Variants in RIMBP2 observed in about 807,000 individuals in gnomAD.
The protein encoded by RIMBP2 is RIMS binding protein 2.
In RIMBP2, 48 loss-of-function variants were observed where a neutral mutation model predicts 118.6. The ratio of observed to expected loss-of-function variants is 0.40; its 90% CI spans 0.32 to 0.51. The LOEUF is 0.51. Among genes scored for constraint, RIMBP2 ranks in the 20% least tolerant of loss-of-function variants. RIMBP2 has a pLI of 0.41. For synonymous variants in RIMBP2, 762 were observed against 742.9 expected (o/e 1.03, Z -0.42); for missense variants, 1,551 against 1,768.3 (o/e 0.88, Z 2.20).
intron 4 of RIMBP2, among the ~76,000 whole-genome samples, chr12:130,489,374 C>T (rs1273975158): frequency 6.6e-6 from 1 of 151,988 alleles, no homozygotes; most frequent in Non-Finnish European, 1.5e-5. Flanking sequence ...CAATCAACTG[C>T]CTCAGGTCTC....
At chr12:130,563,830 AG>A (rs1348080657) in intron 2 of RIMBP2, among the ~76,000 whole-genome samples, 2 of 152,192 alleles carry the variant, frequency 1.3e-5, no homozygotes, top group African/African-American at 4.8e-5. Context: ...TTGAAATGTA[AG>A]TCAGCTTGCA....
chr12:130,686,431 G>T (rs1204615833), intron 1 of RIMBP2, among the ~76,000 whole-genome samples: 1 of 152,216 alleles, frequency 6.6e-6, no homozygotes, highest in Admixed American at 6.5e-5. Context: ...ACAGAAACCC[G>T]GGCACCTCGT....
intron 2 of RIMBP2, among the ~76,000 whole-genome samples, chr12:130,541,591 G>T (rs1215815908): frequency 1.3e-5 from 2 of 152,176 alleles, no homozygotes; most frequent in Non-Finnish European, 2.9e-5. Context: ...ATTTTAAAAT[G>T]TGATCTCAAT....
chr12:130,635,045 G>T (rs1425646418), intron 1 of RIMBP2, among the ~76,000 whole-genome samples: 1 of 152,186 alleles, frequency 6.6e-6, no homozygotes, highest in East Asian at 1.9e-4. Context: ...ACACAGCCCA[G>T]CTCCCCCTGC....
intron 2 of RIMBP2, among the ~76,000 whole-genome samples, chr12:130,626,807 G>A (rs908151316): frequency 6.9e-5 from 10 of 145,688 alleles, no homozygotes; most frequent in South Asian, 2.2e-4. Flanking sequence ...CCATCAACAC[G>A]ACTACCACCA....
chr12:130,686,728 C>T (rs918617549), intron 1 of RIMBP2, among the ~76,000 whole-genome samples: 3 of 152,212 alleles, frequency 2.0e-5, no homozygotes, highest in Non-Finnish European at 4.4e-5. Context: ...CCAACTCCCT[C>T]GACAGGCGTG....
chr12:130,438,637 G>T, intron 11 of RIMBP2, 121 bp from the exon 12 acceptor site: 1 of 608,680 alleles, frequency 1.6e-6, no homozygotes. Flanking sequence ...CAGGGAAAAA[G>T]AGAAGACAGT....
intron 2 of RIMBP2, among the ~76,000 whole-genome samples, chr12:130,597,689 C>T (rs562966897): frequency 4.6e-5 from 7 of 152,312 alleles, no homozygotes; most frequent in East Asian, 3.9e-4. Flanking sequence ...GAAATGACAA[C>T]GTCTATAACT....
At chr12:130,516,598 G>A (rs145791991) in intron 3 of RIMBP2, among the ~76,000 whole-genome samples, 157 of 152,340 alleles carry the variant, frequency 1.0e-3, no homozygotes, top group African/African-American at 3.7e-3. Context: ...CAGGAGGGAC[G>A]CGTAACCTGA....
chr12:130,513,781 CTTTGCATTCATAA>C (rs1454938073), intron 3 of RIMBP2, among the ~76,000 whole-genome samples: 1 of 152,194 alleles, frequency 6.6e-6, no homozygotes, highest in Non-Finnish European at 1.5e-5. Flanking sequence ...ACTGCAGTCT[CTTTGCATTCATAA>C]TTAAGAGCTC....
chr12:130,598,309 T>G (rs1250106652), intron 2 of RIMBP2, among the ~76,000 whole-genome samples: 1 of 152,220 alleles, frequency 6.6e-6, no homozygotes, highest in Non-Finnish European at 1.5e-5. Context: ...CATTTTTTAA[T>G]GAATTGATCT....
chr12:130,614,081 G>A (rs2060746278), intron 2 of RIMBP2, among the ~76,000 whole-genome samples: 1 of 152,206 alleles, frequency 6.6e-6, no homozygotes, highest in South Asian at 2.1e-4. Context: ...GCTGAACGCT[G>A]TCTCACCTGA....
Position 130,437,157 on chromosome 12 carries a change from G to A in RIMBP2, c.1791C>T (p.Ala597=), listed in dbSNP as rs778450001. ...QGESVDSAVA[A]VPPELLVPPT... ...GAGGCACCAGGAGCTCGGGGGGAAC[G>A]GCAGCAACTGCAGAGTCCACGGACT... Residue 597 remains alanine (A), a synonymous_variant, in exon 13 of 23, where the codon GCC becomes GCT. Coordinates refer to ENST00000690449, the MANE Select transcript of RIMBP2 (RefSeq NM_001393629.1). The A allele has an allele frequency of 1.8e-5, 29 of 1,587,212 alleles. No homozygotes were observed. Among genetic ancestry groups the A allele is most frequent in the South Asian group, 6.8e-5 (6 of 87,682 alleles).
rs1042149896 is a variant in RIMBP2, at chr12:130,406,174, A to G, written c.3763T>C (p.Tyr1255His). 1.3e-6 allele frequency: 2 copies of G among 1,535,120 alleles called. No individual in the cohort carries two copies. Among genetic ancestry groups the G allele is most frequent in the African/African-American group, 2.7e-5 (2 of 73,230 alleles). ...FGEIDEDGFY[Y>H]GELNGQKGLV... ...TTCTTGATATTTCAAAAACTTACAT[A>G]ATAAAATCCATCTTCATCAATTTCA... Residue 1255 changes from tyrosine (Y) to histidine (H), a missense_variant and splice_region_variant, in exon 21 of 23, where the codon TAT (tyrosine) becomes CAT (histidine). This residue lies in a region of RIMBP2 where 1,038 missense variants were observed against 1,125.1 expected (regional missense o/e 0.92). Transcript: ENST00000690449.
chr12:130,445,131 G>A (rs777129219), intron 10 of RIMBP2, 29 bp downstream of exon 10: 37 of 1,485,324 alleles, frequency 2.5e-5, no homozygotes, highest in African/African-American at 9.8e-5. Context: ...CCCAGCCTAC[G>A]TCCGCCACAG....
intron 10 of RIMBP2, among the ~76,000 whole-genome samples, chr12:130,444,947 T>G (rs1231909667): frequency 6.6e-6 from 1 of 152,216 alleles, no homozygotes; most frequent in East Asian, 1.9e-4. Context: ...GAGGTCAGCT[T>G]AGAGCTGAAT....
Position 130,439,778 on chromosome 12 carries a change from GGTATGT to G in RIMBP2, c.1505-1268_1505-1263del, listed in dbSNP as rs747250528. 2.2e-3 allele frequency among the ~76,000 whole-genome samples: 297 copies of G among 137,652 alleles called. 2 individuals are homozygous for G. The highest frequency in any genetic ancestry group is 3.1e-3 in the Non-Finnish European group (198 of 63,886). 90.3% of individuals were successfully genotyped at this position (137,652 alleles called of 152,430 possible). A position where few individuals can be genotyped will look rare whatever the true frequency, so the allele number is the denominator to read the frequency against. ...GGGTGTCTGTGTGTGTGTGTATGTG[GGTATGT>G]GTATGTGTATCTGTCTATGTGAGTC... On this transcript the variant is annotated intron_variant, in intron 11 of 22. Transcript: ENST00000690449.
In RIMBP2 at chr12:130,437,122, T is replaced by C. The variant is rs2077578705; in HGVS notation, c.1826A>G (p.His609Arg). The C allele has an allele frequency of 6.5e-7, 1 of 1,543,540 alleles. No homozygotes were observed. Among genetic ancestry groups the C allele is most frequent in the African/African-American group, 1.5e-5 (1 of 68,416 alleles). ...CTTTGATTGGGGTGCAGGTCTCGGG[T>C]GGGGGGTAGGAGGCACCAGGAGCTC... ...PPELLVPPTP[H>R]PRPAPQSKPL... The change falls in exon 13 of 23, where the codon CAC (histidine) becomes CGC (arginine). Residue 609 changes from histidine (H) to arginine (R), a missense_variant. This residue lies in a region of RIMBP2 where 1,038 missense variants were observed against 1,125.1 expected (regional missense o/e 0.92). Coordinates refer to ENST00000690449, the MANE Select transcript of RIMBP2 (RefSeq NM_001393629.1).
At chr12:130,579,422 C>T (rs533283459) in intron 2 of RIMBP2, among the ~76,000 whole-genome samples, 1 of 152,326 alleles carries the variant, frequency 6.6e-6, no homozygotes, top group East Asian at 1.9e-4. Context: ...CACCTATTGT[C>T]ACAACTCGTT....
Sources: gnomAD v4.1 joint callset for allele counts (sites outside exome capture counted in the v4.1 genomes callset) on GRCh38, gnomAD v4.1.1 for gene constraint, gnomAD v4.1.1 regional missense constraint, MANE v1.5 for transcripts, NCBI Gene and HGNC (gene_info 2026-07-23, HGNC 2026-07-21) for gene names.